The following USP45 variants were observed in gnomAD, a reference collection of about 807,000 sequenced individuals.
The protein encoded by USP45 is ubiquitin specific peptidase 45.
USP45 carries 89 observed loss-of-function variants against 95.8 expected under a neutral mutation model. The observed-to-expected ratio is 0.93, with a 90% confidence interval of 0.78 to 1.11. The LOEUF (loss-of-function observed/expected upper bound fraction) is 1.11. Among genes scored for constraint, USP45 ranks in the 50% least tolerant of loss-of-function variants. USP45 has a pLI of 0.00. For missense variants in USP45, 898 were observed against 942.5 expected, an observed-to-expected ratio of 0.95 and a Z score of 0.62; for synonymous variants, 281 against 316.2, an observed-to-expected ratio of 0.89 and a Z score of 1.18.
chr6:99,468,035 C>T, intron 10 of USP45: 1 of 405,722 alleles, frequency 2.5e-6, no homozygotes, highest in Non-Finnish European at 4.9e-6. Context: ...TCATTTGGGG[C>T]TCATATTTTT....
At position 99,446,031 on chromosome 6, in the gene USP45, G is replaced by A. The variant is rs1009921949; in HGVS notation, c.1741C>T (p.Leu581=). The A allele has an allele frequency of 1.2e-6, 2 of 1,614,014 alleles. No individual in the cohort carries two copies. The highest frequency in any genetic ancestry group is 1.3e-5 in the African/African-American group (1 of 75,032). The change falls in exon 14 of 18, where the codon CTA becomes TTA. Residue 581 remains leucine, a synonymous_variant. Transcript: ENST00000500704. The part of the protein sequence containing the change: ...DQDFDRENQP[L]NISNNLCFLE... Reference sequence around the variant, plus strand: ...AAACATAAATTATTTGAAATATTTAGTGGCTGATTTTCTCTGTCAAAATCT... The same window carrying A: ...AAACATAAATTATTTGAAATATTTAATGGCTGATTTTCTCTGTCAAAATCT...
chr6:99,495,801 A>G lies in USP45; in HGVS notation c.479-6981T>C, dbSNP rs1406483972. Among the ~76,000 whole-genome samples, 4 of 152,186 alleles carry G rather than the reference A, an allele frequency of 2.6e-5. No individual in the cohort carries two copies. The East Asian group carries it at 7.7e-4, about 29-fold the overall frequency. The stretch of plus-strand genomic sequence containing the variant: ...AGCTTTTTTAGTCATAGTTTGTAGC[A>G]GTCCTTCTCAAATGATTCCTTAAAA... On this transcript the variant is annotated intron_variant, in intron 5 of 17. Transcript: ENST00000500704.
At chr6:99,506,865 T>A (rs1293725954) in intron 4 of USP45, among the ~76,000 whole-genome samples, 2 of 151,738 alleles carry the variant, frequency 1.3e-5, no homozygotes, top group African/African-American at 4.9e-5. Context: ...ACCAAAAAAA[T>A]CAACTAAAAA....
chr6:99,453,426 G>GA lies in USP45; in HGVS notation c.1309-6964dup, dbSNP rs1213262714. Among the ~76,000 whole-genome samples the GA allele has an allele frequency of 6.6e-5, 10 of 150,416 alleles. No homozygotes were observed. The East Asian group carries it at 1.6e-3, about 23-fold the overall frequency. On this transcript the variant is annotated intron_variant, in intron 13 of 17. Coordinates refer to ENST00000500704, the MANE Select transcript of USP45 (RefSeq NM_001346022.3). ...AATCCTGTTTACAATGGCTACAAAA[G>GA]AAAAAAAAATTCCACCTAGGAATAA...
Position 99,432,985 on chromosome 6 carries a change from C to G in USP45, c.*2731G>C, listed in dbSNP as rs1779934839. ...GCATCAACTATTCTTTGAATTGATA[C>G]CAACTGTCTTCTTTTTATTTATTTT... is the stretch of plus-strand genomic sequence containing the variant. On this transcript the variant is annotated 3_prime_UTR_variant, in exon 18 of 18. Coordinates refer to ENST00000500704, the MANE Select transcript of USP45 (RefSeq NM_001346022.3). The G allele has an allele frequency of 6.6e-6, 1 of 152,254 alleles. No homozygotes were observed. The highest frequency in any genetic ancestry group is 6.6e-5 in the Admixed American group (1 of 15,266). 9.4% of individuals were successfully genotyped at this position (152,254 alleles called of 1,614,324 possible).
At chr6:99,448,405 A>C (rs2128559649) in intron 13 of USP45, among the ~76,000 whole-genome samples, 1 of 152,362 alleles carries the variant, frequency 6.6e-6, no homozygotes, top group South Asian at 2.1e-4. Context: ...CACAAGCTTC[A>C]GTAGCCGATT....
At chr6:99,503,646 T>C (rs1797880977) in intron 5 of USP45, 119 bp downstream of exon 5, 1 of 685,392 alleles carries the variant, frequency 1.5e-6, no homozygotes, top group Non-Finnish European at 2.3e-6. Context: ...CATAATATCT[T>C]TATTCAAATT....
At chr6:99,505,159 T>C (rs1798228020) in intron 4 of USP45, among the ~76,000 whole-genome samples, 2 of 152,240 alleles carry the variant, frequency 1.3e-5, no homozygotes, top group Non-Finnish European at 2.9e-5. Context: ...TGTTCTATTT[T>C]GCTTGGCGCT....
intron 13 of USP45, among the ~76,000 whole-genome samples, chr6:99,463,953 T>C (rs1787221048): frequency 6.6e-6 from 1 of 152,140 alleles, no homozygotes; most frequent in Non-Finnish European, 1.5e-5. Context: ...CTTATTTATT[T>C]ATAATGAATT....
chr6:99,452,988 G>A (rs1041791332), intron 13 of USP45, among the ~76,000 whole-genome samples: 1 of 152,098 alleles, frequency 6.6e-6, no homozygotes, highest in Non-Finnish European at 1.5e-5. Context: ...GAGAACACTT[G>A]GACACAGGAA....
In USP45 at chr6:99,446,378, A is replaced by T. The variant is rs368071843; in HGVS notation, c.1394T>A (p.Met465Lys). Residue 465 changes from methionine to lysine, a missense_variant, in exon 14 of 18, where the codon ATG becomes AAG. Coordinates refer to ENST00000500704, the MANE Select transcript of USP45 (RefSeq NM_001346022.3). The stretch of plus-strand genomic sequence containing the variant: ...GGCAAACATTAAAGAATCCCCATTC[A>T]TTTCAAGGTTTTCATTTTTCTGGTA... Reference protein sequence around the residue: ...VTYQKNENLEMNGDSLMFASL... With the variant: ...VTYQKNENLEKNGDSLMFASL... 1 of 1,614,068 alleles carries T rather than the reference A, an allele frequency of 6.2e-7. No individual in the cohort carries two copies. The highest frequency in any genetic ancestry group is 1.3e-5 in the African/African-American group (1 of 74,930).
intron 13 of USP45, among the ~76,000 whole-genome samples, chr6:99,459,698 T>C (rs946048283): frequency 6.6e-6 from 1 of 152,188 alleles, no homozygotes; most frequent in Non-Finnish European, 1.5e-5. Context: ...TGGTATCTCA[T>C]TGTGCTTTTG....
At chr6:99,463,817 A>AG (rs1202437302) in intron 13 of USP45, among the ~76,000 whole-genome samples, 2 of 150,964 alleles carry the variant, frequency 1.3e-5, no homozygotes, top group Admixed American at 1.3e-4. Flanking sequence ...AAAAAAAAAA[A>AG]AAAAAAAAAA....
intron 14 of USP45, among the ~76,000 whole-genome samples, chr6:99,444,990 TAAAGATGAACTG>T (rs1257516197): frequency 2.6e-5 from 4 of 152,218 alleles, no homozygotes; most frequent in Non-Finnish European, 5.9e-5. Context: ...TACTCAAGGA[TAAAGATGAACTG>T]AAAATTTCTT....
intron 13 of USP45, chr6:99,461,452 A>AT (rs1199017838): frequency 2.9e-5 from 29 of 985,214 alleles, no homozygotes; most frequent in East Asian, 1.1e-4. Flanking sequence ...TCCTGTTACT[A>AT]TTTTTTCTGT....
At chr6:99,507,163 C>T (rs779983546) in intron 4 of USP45, among the ~76,000 whole-genome samples, 3 of 152,154 alleles carry the variant, frequency 2.0e-5, no homozygotes, top group Non-Finnish European at 2.9e-5. Flanking sequence ...GCTGAGATCA[C>T]GCCACTGCAC....
At chr6:99,445,483 C>CA (rs1235358967) in intron 14 of USP45, among the ~76,000 whole-genome samples, 1,374 of 97,544 alleles carry the variant, frequency 0.014, 13 homozygotes, top group East Asian at 0.042. Context: ...ACTCCATCTC[C>CA]AAAAAAAAAA....
intron 15 of USP45, among the ~76,000 whole-genome samples, chr6:99,441,832 T>C (rs1781584987): frequency 1.3e-5 from 2 of 152,250 alleles, no homozygotes; most frequent in South Asian, 4.1e-4. Context: ...GATATTTTTC[T>C]TATTGATCTT....
intron 13 of USP45, among the ~76,000 whole-genome samples, chr6:99,450,230 T>C (rs948259263): frequency 1.3e-5 from 2 of 151,592 alleles, no homozygotes; most frequent in African/African-American, 4.8e-5. Context: ...CTTCAAAAAA[T>C]CAATGAATCC....
Sources: gnomAD v4.1 joint callset for allele counts (sites outside exome capture counted in the v4.1 genomes callset) on GRCh38, gnomAD v4.1.1 for gene constraint, MANE v1.5 for transcripts, NCBI Gene and HGNC (gene_info 2026-07-23, HGNC 2026-07-21) for gene names.